Variants in AP3B1 observed in about 807,000 individuals in gnomAD.
AP3B1 encodes the protein adaptor related protein complex 3 subunit beta 1, also known as AP-3 complex subunit beta-1.
In AP3B1, 61 loss-of-function variants were observed where a neutral mutation model predicts 132.5. The ratio of observed to expected loss-of-function variants is 0.46; its 90% CI spans 0.37 to 0.57. The LOEUF is 0.57. Ranked by LOEUF, AP3B1 falls within the 20% of genes least tolerant of loss-of-function variation. The pLI is 0.00. For missense variants in AP3B1, 1,120 were observed against 1,289.4 expected (o/e 0.87, Z 2.01); for synonymous variants, 388 against 438.3 (o/e 0.89, Z 1.43).
At chr5:78,242,986 T>C (rs557273593) in intron 2 of AP3B1, among the ~76,000 whole-genome samples, 19 of 152,344 alleles carry the variant, frequency 1.2e-4, no homozygotes, top group African/African-American at 4.6e-4. Context: ...ACAACAAATG[T>C]TATATAAATA....
intron 1 of AP3B1, among the ~76,000 whole-genome samples, chr5:78,279,122 T>C (rs944811526): frequency 2.6e-5 from 4 of 152,186 alleles, no homozygotes; most frequent in African/African-American, 9.6e-5. Context: ...ATAGTATATA[T>C]ATGATCGTTT....
rs369096711 is a variant in AP3B1, at chr5:78,278,460, G to A, written c.129-10865C>T. 2.0e-4 allele frequency among the ~76,000 whole-genome samples: 21 copies of A among 102,678 alleles called. 4 individuals carry two copies. The highest frequency in any genetic ancestry group is 1.3e-3 in the East Asian group (5 of 3,806). The allele number at this position is 102,678 out of a possible 152,430, so 67.4% of individuals were successfully genotyped here. ...TAAAAATACAAAAAATTAGCCGGGC[G>A]TAGTGGCGGGCGCCTGTAGTCCCAG... is the stretch of plus-strand genomic sequence containing the variant. On this transcript the variant is annotated intron_variant, in intron 1 of 26. Coordinates refer to ENST00000255194, the MANE Select transcript of AP3B1 (RefSeq NM_003664.5).
intron 2 of AP3B1, among the ~76,000 whole-genome samples, chr5:78,260,865 TTG>T (rs5868909): frequency 0.51 from 76,595 of 151,614 alleles, 19,698 homozygotes; most frequent in Non-Finnish European, 0.54. Flanking sequence ...ATACAATTTT[TTG>T]TGTGTGTGTG....
intron 22 of AP3B1, among the ~76,000 whole-genome samples, chr5:78,068,338 A>G (rs1366682967): frequency 1.3e-5 from 2 of 151,438 alleles, no homozygotes; most frequent in Non-Finnish European, 2.9e-5. Context: ...AAGAAGAAGA[A>G]GAAAGCAGAA....
chr5:78,211,639 T>C (rs1745743105), intron 7 of AP3B1, among the ~76,000 whole-genome samples: 1 of 152,234 alleles, frequency 6.6e-6, no homozygotes, highest in Non-Finnish European at 1.5e-5. Context: ...ATAGGAAACA[T>C]GATTTTTCTC....
chr5:78,117,970 C>T (rs531289667), intron 17 of AP3B1, among the ~76,000 whole-genome samples: 1 of 152,178 alleles, frequency 6.6e-6, no homozygotes, highest in African/African-American at 2.4e-5. Context: ...TGCTAGAGTA[C>T]CTATTTTATT....
chr5:78,244,361 C>T (rs1747279865), intron 2 of AP3B1, among the ~76,000 whole-genome samples: 2 of 151,614 alleles, frequency 1.3e-5, no homozygotes, highest in African/African-American at 2.4e-5. Context: ...TGCAGTGAGC[C>T]GAGATCACGC....
chr5:78,238,247 C>T (rs10053378), intron 3 of AP3B1, among the ~76,000 whole-genome samples: 54,832 of 151,960 alleles, frequency 0.36, 10,102 homozygotes, highest in Middle Eastern at 0.43. Context: ...GAGAATCTAA[C>T]GCCTGATGAT....
At chr5:78,282,475 T>C (rs892837952) in intron 1 of AP3B1, among the ~76,000 whole-genome samples, 1 of 152,188 alleles carries the variant, frequency 6.6e-6, no homozygotes, top group Non-Finnish European at 1.5e-5. Flanking sequence ...AATCAGGGCT[T>C]ATTAATTTCA....
At chr5:78,222,959 A>G (rs1746244349) in intron 6 of AP3B1, among the ~76,000 whole-genome samples, 1 of 151,956 alleles carries the variant, frequency 6.6e-6, no homozygotes, top group African/African-American at 2.4e-5. Flanking sequence ...TCTGAGACTC[A>G]GCAAAAATGT....
intron 1 of AP3B1, among the ~76,000 whole-genome samples, chr5:78,290,889 G>A (rs1749484555): frequency 6.6e-6 from 1 of 152,172 alleles, no homozygotes; most frequent in South Asian, 2.1e-4. Context: ...GGTTGAGGCT[G>A]CAGTGAGCCA....
chr5:78,100,010 T>G (rs1486693104), intron 21 of AP3B1, among the ~76,000 whole-genome samples: 2 of 152,118 alleles, frequency 1.3e-5, no homozygotes, highest in African/African-American at 4.8e-5. Context: ...TGTACTTCTG[T>G]TTCTCCAAAT....
intron 21 of AP3B1, among the ~76,000 whole-genome samples, chr5:78,096,822 C>T (rs1750824720): frequency 6.6e-6 from 1 of 151,482 alleles, no homozygotes; most frequent in South Asian, 2.1e-4. Flanking sequence ...CGGCAGCCGC[C>T]CCGTCCGGGA....
chr5:78,157,573 A>G (rs1367426138), intron 13 of AP3B1, among the ~76,000 whole-genome samples: 1 of 152,184 alleles, frequency 6.6e-6, no homozygotes, highest in African/African-American at 2.4e-5. Context: ...ACCTTATGAA[A>G]TGAATCTTAT....
At chr5:78,141,694 T>C (rs1753153441) in intron 14 of AP3B1, among the ~76,000 whole-genome samples, 1 of 152,156 alleles carries the variant, frequency 6.6e-6, no homozygotes, top group Non-Finnish European at 1.5e-5. Flanking sequence ...GAAGACCATA[T>C]GGTCCTCAAA....
chr5:78,061,171 T>A (rs1296742213), intron 22 of AP3B1, among the ~76,000 whole-genome samples: 2 of 151,736 alleles, frequency 1.3e-5, no homozygotes, highest in Non-Finnish European at 2.9e-5. Context: ...ATTTCCCACA[T>A]CCCTCATTGA....
At chr5:78,157,632 CCTTTA>C (rs1743205135) in intron 13 of AP3B1, among the ~76,000 whole-genome samples, 1 of 152,074 alleles carries the variant, frequency 6.6e-6, no homozygotes, top group Non-Finnish European at 1.5e-5. Flanking sequence ...ATCAACATTG[CCTTTA>C]CTTATTATTT....
chr5:78,046,001 G>A (rs1748311952), intron 22 of AP3B1, among the ~76,000 whole-genome samples: 1 of 152,312 alleles, frequency 6.6e-6, no homozygotes, highest in East Asian at 1.9e-4. Context: ...TGGCAGAGGT[G>A]AGTAGTTGTA....
At chr5:78,070,270 C>T (rs1314603204) in intron 22 of AP3B1, among the ~76,000 whole-genome samples, 1 of 151,698 alleles carries the variant, frequency 6.6e-6, no homozygotes, top group Non-Finnish European at 1.5e-5. Flanking sequence ...AGCCAGGTAT[C>T]GTGGTGCACA....
Sources: gnomAD v4.1 joint callset for allele counts (sites outside exome capture counted in the v4.1 genomes callset) on GRCh38, gnomAD v4.1.1 for gene constraint, MANE v1.5 for transcripts, NCBI Gene and HGNC (gene_info 2026-07-23, HGNC 2026-07-21) for gene names.